SGCZ: variants seen among roughly 807,000 people sequenced by gnomAD.
SGCZ encodes the protein zeta-sarcoglycan.
A neutral mutation model predicts 41.3 loss-of-function variants in SGCZ; 40 were observed. The observed-to-expected ratio is 0.97, with a 90% CI of 0.75 to 1.26. SGCZ has a LOEUF of 1.26. Ranked by LOEUF, SGCZ falls within the 50% of genes most tolerant of loss-of-function variation. The pLI is 0.00. For synonymous variants in SGCZ, 206 were observed against 137.5 expected, an observed-to-expected ratio of 1.50 and a Z score of -3.49; for missense variants, 552 against 369.8, an observed-to-expected ratio of 1.49 and a Z score of -4.04.
chr8:14,338,153 A>T (rs559301857), intron 2 of SGCZ, among the ~76,000 whole-genome samples: 1 of 152,260 alleles, frequency 6.6e-6, no homozygotes, highest in South Asian at 2.1e-4. Context: ...GAAGCTATTG[A>T]CCTTCTTAGC....
chr8:14,698,969 T>C (rs908094851), intron 1 of SGCZ, among the ~76,000 whole-genome samples: 9 of 151,822 alleles, frequency 5.9e-5, no homozygotes, highest in African/African-American at 1.7e-4. Context: ...GTATATAAGA[T>C]ACGAAATAAA....
At chr8:14,310,847 A>C (rs548304321) in intron 3 of SGCZ, among the ~76,000 whole-genome samples, 1 of 152,240 alleles carries the variant, frequency 6.6e-6, no homozygotes, top group South Asian at 2.1e-4. Context: ...CGGAAAAACC[A>C]GTAGTAGCAA....
chr8:14,990,431 C>T (rs536531586), intron 1 of SGCZ, among the ~76,000 whole-genome samples: 4 of 152,266 alleles, frequency 2.6e-5, no homozygotes, highest in African/African-American at 7.2e-5. Context: ...CGCTCCCCAT[C>T]GCTGGGATTA....
At chr8:14,921,969 G>A (rs951003809) in intron 1 of SGCZ, among the ~76,000 whole-genome samples, 2 of 152,078 alleles carry the variant, frequency 1.3e-5, no homozygotes, top group Admixed American at 6.5e-5. Context: ...ACAGAATAAA[G>A]CAATATTTCT....
intron 1 of SGCZ, among the ~76,000 whole-genome samples, chr8:14,816,115 A>G (rs1801895634): frequency 6.6e-6 from 1 of 152,252 alleles, no homozygotes; most frequent in Non-Finnish European, 1.5e-5. Flanking sequence ...ATTTTTAAAA[A>G]TATTGACATG....
At chr8:14,658,681 C>A (rs977800205) in intron 1 of SGCZ, among the ~76,000 whole-genome samples, 3 of 152,134 alleles carry the variant, frequency 2.0e-5, no homozygotes, top group African/African-American at 7.2e-5. Context: ...TCCTTCTTTA[C>A]TTTTCTTCTC....
chr8:14,595,210 C>T (rs571037363), intron 1 of SGCZ, among the ~76,000 whole-genome samples: 1 of 152,256 alleles, frequency 6.6e-6, no homozygotes, highest in African/African-American at 2.4e-5. Flanking sequence ...ATCCACTACT[C>T]TTTATGTAAA....
At chr8:14,762,024 A>C (rs1415596949) in intron 1 of SGCZ, among the ~76,000 whole-genome samples, 3 of 152,202 alleles carry the variant, frequency 2.0e-5, no homozygotes, top group Non-Finnish European at 4.4e-5. Context: ...AGTTTTTCTC[A>C]GGTGACAGTA....
Position 15,237,906 on chromosome 8 carries a change from A to G in SGCZ, c.-283T>C, listed in dbSNP as rs1802193527. 2.8e-6 allele frequency: 1 copy of G among 351,992 alleles called. No homozygotes were observed. The highest frequency in any genetic ancestry group is 2.1e-5 in the African/African-American group (1 of 47,822). 21.8% of individuals were successfully genotyped at this position (351,992 alleles called of 1,614,324 possible). A position where few individuals can be genotyped will look rare whatever the true frequency, so the allele number is the denominator to read the frequency against. ...AGTCGATTGAAACAGGGGCCAAAAGAAAAAAGGAAAAAAAAATCCACTCTA... is the reference window on the plus strand; with the variant it reads ...AGTCGATTGAAACAGGGGCCAAAAGGAAAAAGGAAAAAAAAATCCACTCTA... On this transcript the variant is annotated 5_prime_UTR_variant, in exon 1 of 8. Coordinates refer to ENST00000382080, the MANE Select transcript of SGCZ (RefSeq NM_139167.4).
intron 1 of SGCZ, among the ~76,000 whole-genome samples, chr8:14,815,881 AG>A (rs1415585068): frequency 3.9e-5 from 6 of 152,252 alleles, no homozygotes; most frequent in Admixed American, 3.9e-4. Context: ...TGCAAAATAA[AG>A]CCTATCAAAA....
chr8:14,240,133 C>T (rs1002432907), intron 3 of SGCZ, among the ~76,000 whole-genome samples: 6 of 151,512 alleles, frequency 4.0e-5, no homozygotes, highest in Non-Finnish European at 5.9e-5. Flanking sequence ...TTGAAACCAG[C>T]CTGGCCAACA....
At chr8:14,282,626 G>C (rs1585316669) in intron 3 of SGCZ, among the ~76,000 whole-genome samples, 1 of 152,056 alleles carries the variant, frequency 6.6e-6, no homozygotes, top group African/African-American at 2.4e-5. Context: ...TGAGAAAGGA[G>C]ACCACTTTCA....
chr8:14,957,554 T>C (rs1800831254), intron 1 of SGCZ, among the ~76,000 whole-genome samples: 1 of 152,020 alleles, frequency 6.6e-6, no homozygotes, highest in Non-Finnish European at 1.5e-5. Context: ...ATTCACATAA[T>C]TCTCAGTGAG....
rs187859706 is a variant in SGCZ, at chr8:15,017,269, G to C, written c.39+220316C>G. ...ATGAGAGAATTTTTATATAGGATTCGATAATGCATGAAAATGACAGTTTCC... is the reference window on the plus strand; with the variant it reads ...ATGAGAGAATTTTTATATAGGATTCCATAATGCATGAAAATGACAGTTTCC... On this transcript the variant is annotated intron_variant, in intron 1 of 7. Transcript: ENST00000382080. 3.8e-3 allele frequency among the ~76,000 whole-genome samples: 574 copies of C among 152,090 alleles called. 5 individuals are homozygous for C. The highest frequency in any genetic ancestry group is 0.013 in the African/African-American group (550 of 41,498).
intron 1 of SGCZ, among the ~76,000 whole-genome samples, chr8:15,101,415 T>C (rs1806607550): frequency 6.6e-6 from 1 of 151,922 alleles, no homozygotes; most frequent in Non-Finnish European, 1.5e-5. Context: ...ACAACCTAAC[T>C]GAGAAATAGG....
intron 1 of SGCZ, among the ~76,000 whole-genome samples, chr8:14,880,324 G>A (rs953018586): frequency 3.3e-5 from 5 of 152,142 alleles, no homozygotes; most frequent in African/African-American, 1.2e-4. Context: ...AGAGGATGTG[G>A]AGAAATAGGA....
intron 1 of SGCZ, among the ~76,000 whole-genome samples, chr8:14,589,671 G>C (rs79684945): frequency 0.022 from 3,317 of 152,094 alleles, 122 homozygotes; most frequent in African/African-American, 0.075. Flanking sequence ...ATTTAATTTG[G>C]AGGAACATAG....
intron 1 of SGCZ, among the ~76,000 whole-genome samples, chr8:14,652,476 A>C (rs893036680): frequency 6.6e-6 from 1 of 151,944 alleles, no homozygotes; most frequent in African/African-American, 2.4e-5. Context: ...GTAGGTATAT[A>C]TTTTTTGTAA....
intron 1 of SGCZ, among the ~76,000 whole-genome samples, chr8:15,169,567 A>C (rs1799767641): frequency 6.6e-6 from 1 of 152,084 alleles, no homozygotes; most frequent in African/African-American, 2.4e-5. Context: ...GACTAAGGAA[A>C]AGTCCTGCAA....
Sources: gnomAD v4.1 joint callset for allele counts (sites outside exome capture counted in the v4.1 genomes callset) on GRCh38, gnomAD v4.1.1 for gene constraint, MANE v1.5 for transcripts, NCBI Gene and HGNC (gene_info 2026-07-23, HGNC 2026-07-21) for gene names.